The following EML2 variants were observed in gnomAD, a reference collection of about 807,000 sequenced individuals.
EML2 encodes the protein EMAP like 2, also known as echinoderm microtubule-associated protein-like 2.
A neutral mutation model predicts 84.7 loss-of-function variants in EML2; 59 were observed. The ratio of observed to expected loss-of-function variants is 0.70; its 90% CI spans 0.56 to 0.86. EML2 has a LOEUF of 0.86. EML2 is among the 40% of genes least tolerant of loss of function. EML2 has a pLI of 0.00. For synonymous variants in EML2, 352 were observed against 348.9 expected (o/e 1.01, Z -0.10); for missense variants, 818 against 855.6 (o/e 0.96, Z 0.55).
At chr19:45,609,871 C>G in intron 18 of EML2, 83 bp from the exon 19 acceptor site, 1 of 1,424,394 alleles carries the variant, frequency 7.0e-7, no homozygotes, top group Non-Finnish European at 9.4e-7. Flanking sequence ...TGACCCGGTT[C>G]TTTTCTGCTC....
upstream of EML2, chr19:45,644,778 A>T (rs112642971): frequency 5.2e-3 from 2,353 of 456,132 alleles, 45 homozygotes; most frequent in African/African-American, 0.043. Context: ...GATGGTGCTA[A>T]TGCATGGGAG....
At position 45,638,624 on chromosome 19, in the gene EML2, G is replaced by T; in HGVS notation, c.60C>A (p.Ser20=). The T allele has an allele frequency of 1.9e-6, 3 of 1,613,762 alleles. No homozygotes were observed. Among genetic ancestry groups the T allele is most frequent in the Non-Finnish European group, 2.5e-6 (3 of 1,179,932 alleles). Residue 20 remains serine (S), a synonymous_variant, in exon 3 of 19, where the codon TCC becomes TCA. Transcript: ENST00000245925. The part of the protein sequence containing the change: ...KEVIFSVEDG[S]VKMFLRGRPV... ...GGCGGCCCCTCAGGAACATTTTCAC[G>T]GAGCCATCCTCTGCCAGGACACCCC...
intron 1 of EML2, 140 bp downstream of exon 1, chr19:45,639,217 G>T (rs1446625842): frequency 1.5e-5 from 14 of 962,528 alleles, no homozygotes; most frequent in Non-Finnish European, 2.1e-5. Flanking sequence ...CAAACGTCAA[G>T]CAGAGGGAGA....
chr19:45,639,625 G>T (rs901682014), upstream of EML2, among the ~76,000 whole-genome samples: 1 of 152,170 alleles, frequency 6.6e-6, no homozygotes, highest in Non-Finnish European at 1.5e-5. Context: ...TAAAACCCCA[G>T]TTCTGCTAAT....
chr19:45,627,342 C>T (rs1384587381), intron 7 of EML2, among the ~76,000 whole-genome samples: 1 of 150,896 alleles, frequency 6.6e-6, no homozygotes, highest in East Asian at 2.0e-4. Context: ...ACAACCTCTG[C>T]CTCCCAGGTT....
chr19:45,622,775 C>T (rs1971857403), intron 9 of EML2, among the ~76,000 whole-genome samples: 3 of 150,846 alleles, frequency 2.0e-5, no homozygotes, highest in South Asian at 4.4e-4. Context: ...CGGCCGGGTT[C>T]GGTGGCTCAT....
At chr19:45,621,071 G>A (rs774327392) in intron 11 of EML2, 136 bp downstream of exon 11, 1 of 1,347,534 alleles carries the variant, frequency 7.4e-7, no homozygotes, top group South Asian at 1.3e-5. Flanking sequence ...AAGGGGTCCT[G>A]GGTCAGGGCC....
At position 45,613,561 on chromosome 19, in the gene EML2, A is replaced by C; in HGVS notation, c.1804T>G (p.Tyr602Asp). 1 of 1,614,042 alleles carries C rather than the reference A, an allele frequency of 6.2e-7. No homozygotes were observed. The highest frequency in any genetic ancestry group is 8.5e-7 in the Non-Finnish European group (1 of 1,179,960). The change falls in exon 18 of 19, where the codon TAC becomes GAC. Residue 602 changes from tyrosine to aspartate, a missense_variant. Physicochemically the swap from Tyr to Asp is radical, Grantham distance 160. Transcript: ENST00000245925. ...CTCACTCGAGGCTGACAGCAGGGGT[A>C]GCTAAACAGGTGAACTTTGCCAAAG... ...DDFGKVHLFSYPCCQPRALSH... is the reference protein window; with the variant it reads ...DDFGKVHLFSDPCCQPRALSH...
intron 13 of EML2, 58 bp from the exon 14 acceptor site, chr19:45,616,911 C>A: frequency 7.6e-7 from 1 of 1,322,526 alleles, no homozygotes; most frequent in Non-Finnish European, 1.1e-6. Context: ...CAGAGAGAGG[C>A]CGCAATCTGT....
At chr19:45,642,437 G>T (rs1369609183), upstream of EML2, 7 of 1,472,254 alleles carry the variant, frequency 4.8e-6, no homozygotes, top group Admixed American at 2.3e-5. Context: ...GGGTCTAAGC[G>T]GGGGGCCAGC....
Position 45,639,301 on chromosome 19 carries a change from T to C in EML2, c.20+56A>G, listed in dbSNP as rs1049734495. On this transcript the variant is annotated intron_variant, in intron 1 of 18. Coordinates refer to ENST00000245925, the MANE Select transcript of EML2 (RefSeq NM_012155.4). The stretch of plus-strand genomic sequence containing the variant: ...CCCAGGGGTTGGGTGAAACCTGAGA[T>C]CTAAGCCCCGGGAGCGCGGAGAGGA... 8.9e-6 allele frequency: 12 copies of C among 1,346,924 alleles called. No individual in the cohort carries two copies. In the East Asian group the frequency reaches 1.8e-4, roughly 20 times the overall value. 83.4% of individuals were successfully genotyped at this position (1,346,924 alleles called of 1,614,324 possible). A position where few individuals can be genotyped will look rare whatever the true frequency, so the allele number is the denominator to read the frequency against.
chr19:45,631,973 C>T (rs1451785409), intron 6 of EML2, among the ~76,000 whole-genome samples: 2 of 144,958 alleles, frequency 1.4e-5, no homozygotes, highest in East Asian at 4.2e-4. Flanking sequence ...CGGCTCACTG[C>T]AAACTCCGCC....
intron 3 of EML2, among the ~76,000 whole-genome samples, chr19:45,634,782 C>T (rs1973527325): frequency 6.6e-6 from 1 of 151,844 alleles, no homozygotes; most frequent in African/African-American, 2.4e-5. Flanking sequence ...AGGATGGTCT[C>T]GATCTCCTGA....
Position 45,609,442 on chromosome 19 carries a change from A to G in EML2, c.*221T>C, listed in dbSNP as rs924155026. On this transcript the variant is annotated 3_prime_UTR_variant, in exon 19 of 19. Transcript: ENST00000245925. ...ATTTCTGGATGATATAAAAGAAAAA[A>G]CTTAAAAAACACCCCAAACCAAACA... 2.2e-6 allele frequency: 1 copy of G among 451,126 alleles called. No homozygotes were observed. Among genetic ancestry groups the G allele is most frequent in the Non-Finnish European group, 3.8e-6 (1 of 262,074 alleles). The allele number at this position is 451,126 out of a possible 1,614,324, so 27.9% of individuals were successfully genotyped here.
chr19:45,620,296 G>A (rs1167567854), intron 11 of EML2, among the ~76,000 whole-genome samples: 1 of 151,988 alleles, frequency 6.6e-6, no homozygotes, highest in Non-Finnish European at 1.5e-5. Context: ...TGTATTTTTA[G>A]TACAGATGGT....
Position 45,629,936 on chromosome 19 carries a change from G to C in EML2, c.606+15C>G. 1.2e-6 allele frequency: 2 copies of C among 1,608,122 alleles called. No individual in the cohort carries two copies. Among genetic ancestry groups the C allele is most frequent in the Non-Finnish European group, 1.7e-6 (2 of 1,174,804 alleles). On this transcript the variant is annotated intron_variant, in intron 7 of 18. Coordinates refer to ENST00000245925, the MANE Select transcript of EML2 (RefSeq NM_012155.4). ...AGTGGCACCCAGCAGGAGGGGATGAGAAAAGTCACCTCACCTTGACATCCA... is the reference window on the plus strand; with the variant it reads ...AGTGGCACCCAGCAGGAGGGGATGACAAAAGTCACCTCACCTTGACATCCA...
chr19:45,609,682 A>T lies in EML2; in HGVS notation c.1931T>A (p.Leu644Gln). The change falls in exon 19 of 19, where the codon CTA becomes CAA. Residue 644 changes from leucine to glutamine, a missense_variant. Leu to Gln is a moderately radical substitution (Grantham distance 113). Transcript: ENST00000245925. ...LTTGGKDTSV[L>Q]QWRVV ...GCCGCATCAGACCACCCGCCACTGT[A>T]GCACACTGGTGTCCTTGCCCCCTGT... 1 of 1,609,952 alleles carries T rather than the reference A, an allele frequency of 6.2e-7. No individual in the cohort carries two copies. Among genetic ancestry groups the T allele is most frequent in the Non-Finnish European group, 8.5e-7 (1 of 1,178,736 alleles).
chr19:45,620,005 G>A (rs1971511343), intron 11 of EML2, among the ~76,000 whole-genome samples: 1 of 152,032 alleles, frequency 6.6e-6, no homozygotes, highest in Non-Finnish European at 1.5e-5. Context: ...GAGCTGAAAT[G>A]GCATCACTGC....
upstream of EML2, chr19:45,642,054 G>A (rs913947252): frequency 4.2e-6 from 6 of 1,443,988 alleles, no homozygotes; most frequent in Non-Finnish European, 4.5e-6. Context: ...GGAGGGATGG[G>A]GTTAGGGGAC....
Sources: allele counts gnomAD v4.1 joint callset (sites outside exome capture counted in the v4.1 genomes callset), GRCh38; gene constraint gnomAD v4.1.1; transcripts MANE v1.5; gene names NCBI Gene and HGNC (gene_info 2026-07-23, HGNC 2026-07-21).